NUP98: variants seen among roughly 807,000 people sequenced by gnomAD.
NUP98 encodes the protein nucleoporin 98 and 96 precursor.
Under a neutral mutation model 191.9 loss-of-function variants are expected in NUP98, and 26 were observed. That is an observed-to-expected ratio of 0.14 (90% CI 0.10 to 0.19). NUP98 has a LOEUF of 0.19. Ranked by LOEUF, NUP98 falls within the 10% of genes least tolerant of loss-of-function variation. The probability of loss-of-function intolerance (pLI) is 1.00; values close to 1 mark genes in which losing one functional copy is unlikely to be tolerated. For synonymous variants in NUP98, 808 were observed against 778.4 expected (o/e 1.04, Z -0.63); for missense variants, 1,941 against 2,178.8 (o/e 0.89, Z 2.17).
chr11:3,780,988 G>A (rs181948896), intron 2 of NUP98, among the ~76,000 whole-genome samples: 244 of 152,018 alleles, frequency 1.6e-3, no homozygotes, highest in Non-Finnish European at 2.4e-3. Flanking sequence ...GCTGAGGCAG[G>A]AGAACTGCTT....
At chr11:3,753,761 A>G (rs2080854394) in intron 10 of NUP98, among the ~76,000 whole-genome samples, 1 of 60,432 alleles carries the variant, frequency 1.7e-5, no homozygotes, top group Non-Finnish European at 3.4e-5. Context: ...AATACAAAAA[A>G]AAAAAAAAAA....
intron 12 of NUP98, among the ~76,000 whole-genome samples, chr11:3,740,992 T>C (rs558654888): frequency 3.3e-5 from 5 of 151,884 alleles, no homozygotes; most frequent in African/African-American, 1.2e-4. Flanking sequence ...CTAGTTTTTC[T>C]ATTTGTGGTA....
intron 21 of NUP98, among the ~76,000 whole-genome samples, chr11:3,706,197 A>T (rs951134112): frequency 4.6e-5 from 7 of 152,048 alleles, no homozygotes; most frequent in African/African-American, 1.7e-4. Context: ...CAAAATTGGG[A>T]TTGGAACTAG....
At chr11:3,717,453 C>T (rs2079226240) in intron 18 of NUP98, among the ~76,000 whole-genome samples, 1 of 152,102 alleles carries the variant, frequency 6.6e-6, no homozygotes, top group African/African-American at 2.4e-5. Context: ...CTTTTTGATG[C>T]TACTATATAT....
chr11:3,772,268 G>A (rs1179381026), intron 6 of NUP98, among the ~76,000 whole-genome samples: 2 of 152,070 alleles, frequency 1.3e-5, no homozygotes, highest in African/African-American at 4.8e-5. Flanking sequence ...AAAAATTATA[G>A]TGAATTAACA....
chr11:3,760,678 A>C (rs781110224), intron 9 of NUP98, 52 bp from the exon 10 acceptor site: 1 of 1,503,488 alleles, frequency 6.7e-7, no homozygotes, highest in Admixed American at 1.8e-5. Context: ...GACACACACC[A>C]AACTAAATAC....
intron 28 of NUP98, among the ~76,000 whole-genome samples, chr11:3,689,940 ATTTTTTT>A (rs989043726): frequency 3.3e-4 from 24 of 73,574 alleles, no homozygotes; most frequent in Admixed American, 1.1e-3. Context: ...GCTGGCCTGC[ATTTTTTT>A]TTTTTTTTTT....
intron 8 of NUP98, among the ~76,000 whole-genome samples, chr11:3,764,691 G>C (rs865830555): frequency 6.6e-6 from 1 of 152,180 alleles, no homozygotes; most frequent in Non-Finnish European, 1.5e-5. Flanking sequence ...AGATTCTCCT[G>C]CCTCAGCCCC....
chr11:3,768,210 A>G (rs2081403311), intron 8 of NUP98, among the ~76,000 whole-genome samples: 1 of 151,948 alleles, frequency 6.6e-6, no homozygotes, highest in Non-Finnish European at 1.5e-5. Flanking sequence ...TCACGAGGTC[A>G]GGAGATCGAG....
At chr11:3,724,636 T>C (rs1439785430) in intron 15 of NUP98, among the ~76,000 whole-genome samples, 8 of 150,744 alleles carry the variant, frequency 5.3e-5, no homozygotes, top group African/African-American at 1.9e-4. Context: ...CTACTAAAAA[T>C]ACAAAAATTA....
Position 3,699,293 on chromosome 11 carries a change from C to G in NUP98, c.3798G>C (p.Leu1266=). 6.2e-7 allele frequency: 1 copy of G among 1,614,212 alleles called. No individual in the cohort carries two copies. ...WTLCEALWGH[L]KELDSQLNEP... ...CATTTAGCTGGCTGTCAAGCTCCTTCAGGTGGCCCCATAGGGCTTCACATA... is the reference window on the plus strand; with the variant it reads ...CATTTAGCTGGCTGTCAAGCTCCTTGAGGTGGCCCCATAGGGCTTCACATA... Residue 1266 remains leucine, a synonymous_variant, in exon 25 of 33, where the codon CTG becomes CTC. Coordinates refer to ENST00000324932, the MANE Select transcript of NUP98 (RefSeq NM_016320.5).
intron 14 of NUP98, among the ~76,000 whole-genome samples, chr11:3,729,999 T>A (rs901297770): frequency 2.0e-5 from 3 of 152,036 alleles, no homozygotes; most frequent in African/African-American, 7.2e-5. Flanking sequence ...CCCAGCACTT[T>A]GGGAGTCTGA....
At chr11:3,698,664 T>C (rs1589980317) in intron 25 of NUP98, among the ~76,000 whole-genome samples, 1 of 142,304 alleles carries the variant, frequency 7.0e-6, no homozygotes, top group South Asian at 2.2e-4. Flanking sequence ...GAGGAGGAGG[T>C]TGCAGTGAGC....
At chr11:3,775,809 T>G in intron 5 of NUP98, 73 bp downstream of exon 5, 1 of 1,474,856 alleles carries the variant, frequency 6.8e-7, no homozygotes, top group Non-Finnish European at 9.3e-7. Context: ...GAGAAGCAAT[T>G]TTACAATTCA....
intron 20 of NUP98, chr11:3,711,934 C>T (rs2079032037): frequency 9.6e-7 from 1 of 1,041,504 alleles, no homozygotes; most frequent in Non-Finnish European, 1.2e-6. Context: ...CTTTCAGCAG[C>T]TGAGAGGTAG....
At chr11:3,785,301 G>C (rs1283332844) in intron 1 of NUP98, among the ~76,000 whole-genome samples, 4 of 152,102 alleles carry the variant, frequency 2.6e-5, no homozygotes, top group South Asian at 2.1e-4. Flanking sequence ...AAGCTTAGTA[G>C]CAATTCCCTC....
At chr11:3,689,402 C>T (rs1265242874) in intron 28 of NUP98, among the ~76,000 whole-genome samples, 1 of 151,878 alleles carries the variant, frequency 6.6e-6, no homozygotes, top group African/African-American at 2.4e-5. Flanking sequence ...TGGTGGGTGC[C>T]TCTAGTCCCA....
At chr11:3,796,291 C>T (rs921792433) in intron 1 of NUP98, among the ~76,000 whole-genome samples, 2 of 152,196 alleles carry the variant, frequency 1.3e-5, no homozygotes, top group Non-Finnish European at 2.9e-5. Context: ...GGACTCCTAC[C>T]TGGCTTTCTA....
At chr11:3,726,188 T>G (rs2079610552) in intron 14 of NUP98, among the ~76,000 whole-genome samples, 1 of 151,856 alleles carries the variant, frequency 6.6e-6, no homozygotes, top group Non-Finnish European at 1.5e-5. Flanking sequence ...TTACTTTTCA[T>G]CTAGAAGTTA....
Sources: allele counts gnomAD v4.1 joint callset (sites outside exome capture counted in the v4.1 genomes callset), GRCh38; gene constraint gnomAD v4.1.1; transcripts MANE v1.5; gene names NCBI Gene and HGNC (gene_info 2026-07-23, HGNC 2026-07-21).